PRDM16: variants seen among roughly 807,000 people sequenced by gnomAD.
The protein encoded by PRDM16 is PR/SET domain 16.
Under a neutral mutation model 110.6 loss-of-function variants are expected in PRDM16, and 23 were observed. The ratio of observed to expected loss-of-function variants is 0.21; its 90% CI spans 0.15 to 0.29. The LOEUF is 0.29. Among genes scored for constraint, PRDM16 ranks in the 10% least tolerant of loss-of-function variants. The pLI is 1.00. For synonymous variants in PRDM16, 799 were observed against 781.8 expected, an observed-to-expected ratio of 1.02 and a Z score of -0.37; for missense variants, 1,615 against 1,794.3, an observed-to-expected ratio of 0.90 and a Z score of 1.81.
chr1:3,371,429 C>A (rs890510676), intron 3 of PRDM16, among the ~76,000 whole-genome samples: 4 of 151,494 alleles, frequency 2.6e-5, no homozygotes, highest in African/African-American at 9.7e-5. Context: ...CATTCATCAT[C>A]CATCCATACA....
At chr1:3,142,933 CT>C (rs886556090) in intron 1 of PRDM16, among the ~76,000 whole-genome samples, 5 of 152,246 alleles carry the variant, frequency 3.3e-5, no homozygotes, top group Non-Finnish European at 7.3e-5. Context: ...CAACTGCCCC[CT>C]GGCCGGGGCA....
chr1:3,304,837 C>T (rs1641277885), intron 3 of PRDM16, among the ~76,000 whole-genome samples: 1 of 152,160 alleles, frequency 6.6e-6, no homozygotes, highest in African/African-American at 2.4e-5. Flanking sequence ...TCCTCCTCAG[C>T]CCTAGCACCA....
intron 1 of PRDM16, among the ~76,000 whole-genome samples, chr1:3,090,856 G>A (rs1353733503): frequency 6.6e-6 from 1 of 152,204 alleles, no homozygotes; most frequent in African/African-American, 2.4e-5. Flanking sequence ...GGGGAGGCAG[G>A]ACCCTCAGGC....
intron 1 of PRDM16, among the ~76,000 whole-genome samples, chr1:3,125,543 G>T (rs185567748): frequency 6.6e-6 from 1 of 152,382 alleles, no homozygotes; most frequent in East Asian, 1.9e-4. Context: ...CAGGCCTCTG[G>T]GGGGACCGGC....
At chr1:3,249,437 G>A (rs1444360116) in intron 3 of PRDM16, among the ~76,000 whole-genome samples, 1 of 151,914 alleles carries the variant, frequency 6.6e-6, no homozygotes, top group Non-Finnish European at 1.5e-5. Flanking sequence ...AGGTGAGTGA[G>A]GTTCAGACCG....
chr1:3,423,987 C>A (rs1166728789), intron 12 of PRDM16, among the ~76,000 whole-genome samples: 2 of 152,146 alleles, frequency 1.3e-5, no homozygotes, highest in African/African-American at 4.8e-5. Flanking sequence ...AGTGTGCACA[C>A]ACAGGCATGG....
chr1:3,417,694 C>A, intron 10 of PRDM16, 134 bp from the exon 11 acceptor site: 1 of 776,380 alleles, frequency 1.3e-6, no homozygotes. Context: ...CAAGAAAATA[C>A]TAGGAGACCA....
intron 1 of PRDM16, among the ~76,000 whole-genome samples, chr1:3,089,322 G>A (rs1460329603): frequency 2.0e-5 from 3 of 152,228 alleles, no homozygotes; most frequent in Admixed American, 2.0e-4. Flanking sequence ...TCTAAGAGAC[G>A]TTGGGACCCC....
intron 3 of PRDM16, among the ~76,000 whole-genome samples, chr1:3,365,918 ACACAC>A (rs1366315986): frequency 1.5e-5 from 2 of 131,960 alleles, no homozygotes; most frequent in East Asian, 2.3e-4. Flanking sequence ...ATGCACACAT[ACACAC>A]ACGCACACAT....
chr1:3,110,706 G>A (rs1036574365), intron 1 of PRDM16, among the ~76,000 whole-genome samples: 1 of 152,228 alleles, frequency 6.6e-6, no homozygotes, highest in Non-Finnish European at 1.5e-5. Context: ...GATCAGCTTG[G>A]TGTGAACTTT....
At chr1:3,301,933 G>A (rs754873421) in intron 3 of PRDM16, among the ~76,000 whole-genome samples, 97 of 152,192 alleles carry the variant, frequency 6.4e-4, no homozygotes, top group Middle Eastern at 3.2e-3. Context: ...GTTGGTCACC[G>A]GGGGACTGCT....
rs543741411 is a variant in PRDM16, at chr1:3,370,675, G to A, written c.439-14477G>A. Among the ~76,000 whole-genome samples the A allele has an allele frequency of 9.8e-5, 15 of 152,298 alleles. No homozygotes were observed. The highest frequency in any genetic ancestry group is 3.4e-4 in the African/African-American group (14 of 41,560). ...GACCAGGGCAGGCTTCCCAGGAGAG[G>A]TGTCCTGTGCTCTGCCACCATGACA... On this transcript the variant is annotated intron_variant, in intron 3 of 16. Transcript: ENST00000270722. This position sits in a 1 kb window ranked among gnomAD's most constrained non-coding sequence, Gnocchi z 4.8.
intron 3 of PRDM16, among the ~76,000 whole-genome samples, chr1:3,326,778 C>T (rs1256872061): frequency 2.0e-5 from 3 of 152,238 alleles, no homozygotes; most frequent in Non-Finnish European, 4.4e-5. Flanking sequence ...CCCAAGCCCC[C>T]CACCAGCCGC....
At position 3,181,513 on chromosome 1, in the gene PRDM16, C is replaced by CGGTCTT. The variant is rs1491153403; in HGVS notation, c.38-4612_38-4611insGGTCTT. 1.1e-4 allele frequency among the ~76,000 whole-genome samples: 10 copies of CGGTCTT among 90,480 alleles called. 1 individual carries two copies. The highest frequency in any genetic ancestry group is 4.4e-4 in the African/African-American group (10 of 22,844). 59.4% of individuals were successfully genotyped at this position (90,480 alleles called of 152,430 possible). On this transcript the variant is annotated intron_variant, in intron 1 of 16. Transcript: ENST00000270722. ...AGCCTTACGCATGGTCTTACACACG[C>CGGTCTT]AGTCTTACACAAGCGGTCTTACACA...
rs558056441 is a variant in PRDM16 at position 3,426,732 on chromosome 1, T to C, written c.3284+507T>C. On this transcript the variant is annotated intron_variant, in intron 14 of 16. Coordinates refer to ENST00000270722, the MANE Select transcript of PRDM16 (RefSeq NM_022114.4). ...ACACAGAGATGCACGTTTGTATACA[T>C]GTGTATACATATGCCATTGATGAAT... 4.0e-4 allele frequency among the ~76,000 whole-genome samples: 61 copies of C among 152,268 alleles called. 3 individuals are homozygous for C. The South Asian group carries it at 0.012, about 31-fold the overall frequency.
intron 4 of PRDM16, among the ~76,000 whole-genome samples, chr1:3,387,640 T>G (rs1351325989): frequency 6.6e-6 from 1 of 152,246 alleles, no homozygotes; most frequent in Non-Finnish European, 1.5e-5. Flanking sequence ...ATAAGCCATG[T>G]GGCTGGAATG....
At chr1:3,262,084 G>A (rs139418874) in intron 3 of PRDM16, among the ~76,000 whole-genome samples, 102 of 152,348 alleles carry the variant, frequency 6.7e-4, no homozygotes, top group African/African-American at 2.1e-3. Context: ...TCAGGCACTT[G>A]TGCTTTTAGC....
chr1:3,187,858 G>C (rs928564279), intron 2 of PRDM16, among the ~76,000 whole-genome samples: 2 of 152,212 alleles, frequency 1.3e-5, no homozygotes, highest in Non-Finnish European at 2.9e-5. Context: ...CCCGGTGCCT[G>C]AAGAAACGTG....
chr1:3,103,525 G>T (rs1642579481), intron 1 of PRDM16, among the ~76,000 whole-genome samples: 1 of 152,166 alleles, frequency 6.6e-6, no homozygotes, highest in South Asian at 2.1e-4. Flanking sequence ...CTTTGTTCCG[G>T]GTCTCTGAGC....
Sources: gnomAD v4.1 joint callset for allele counts (sites outside exome capture counted in the v4.1 genomes callset) on GRCh38, gnomAD v4.1.1 for gene constraint, Gnocchi (gnomAD v3.1) non-coding constraint, MANE v1.5 for transcripts, NCBI Gene and HGNC (gene_info 2026-07-23, HGNC 2026-07-21) for gene names.